The following CPA6 variants were observed in gnomAD, a reference collection of about 807,000 sequenced individuals.
CPA6 encodes the protein carboxypeptidase A6, also known as carboxypeptidase B.
A neutral mutation model predicts 63.3 loss-of-function variants in CPA6; 58 were observed. That is an observed-to-expected ratio of 0.92 (90% CI 0.74 to 1.14). CPA6 has a LOEUF of 1.14. Among genes scored for constraint, CPA6 ranks in the 50% most tolerant of loss-of-function variants. The pLI, the probability that CPA6 is intolerant of heterozygous loss-of-function variation, is 0.00. For synonymous variants in CPA6, 185 were observed against 179.0 expected (o/e 1.03, Z -0.27); for missense variants, 565 against 526.6 (o/e 1.07, Z -0.71).
chr8:67,613,774 C>T (rs116512939), intron 2 of CPA6, among the ~76,000 whole-genome samples: 2,649 of 152,256 alleles, frequency 0.017, 80 homozygotes, highest in African/African-American at 0.058. Context: ...TGTTTTTGTG[C>T]CCAAAAAGTT....
intron 8 of CPA6, among the ~76,000 whole-genome samples, chr8:67,459,624 A>G (rs1372136769): frequency 3.3e-5 from 5 of 152,228 alleles, no homozygotes. Context: ...GAGAGGGATG[A>G]GTAGGCAGAG....
At chr8:67,642,199 T>C (rs1422709806) in intron 1 of CPA6, among the ~76,000 whole-genome samples, 1 of 151,964 alleles carries the variant, frequency 6.6e-6, no homozygotes, top group Non-Finnish European at 1.5e-5. Context: ...GCGCCTGTAA[T>C]CCCAGCTATT....
chr8:67,682,797 A>T (rs1353560568), intron 1 of CPA6, among the ~76,000 whole-genome samples: 2 of 152,208 alleles, frequency 1.3e-5, no homozygotes, highest in Admixed American at 1.3e-4. Context: ...CCTGTGAATT[A>T]TGAGGATTTT....
chr8:67,692,205 G>C (rs922127437), intron 1 of CPA6, among the ~76,000 whole-genome samples: 1 of 151,890 alleles, frequency 6.6e-6, no homozygotes, highest in African/African-American at 2.4e-5. Flanking sequence ...GCATGGTGGC[G>C]CATGCCTCTA....
At chr8:67,692,328 CAAAAAA>C (rs55676882) in intron 1 of CPA6, among the ~76,000 whole-genome samples, 5 of 89,980 alleles carry the variant, frequency 5.6e-5, no homozygotes, top group Admixed American at 1.3e-4. Flanking sequence ...AATCCTGTCT[CAAAAAA>C]AAAAAAAAAA....
At chr8:67,610,065 C>A (rs1490650999) in intron 2 of CPA6, among the ~76,000 whole-genome samples, 1 of 142,828 alleles carries the variant, frequency 7.0e-6, no homozygotes, top group Non-Finnish European at 1.5e-5. Context: ...AAAACAAAAA[C>A]CCCCCAAAAA....
rs540534075 is a variant in CPA6, at chr8:67,587,273, C to T, written c.192+36903G>A. Among the ~76,000 whole-genome samples, 3 of 152,134 alleles carry T rather than the reference C, an allele frequency of 2.0e-5. No individual in the cohort carries two copies. The South Asian group carries it at 6.3e-4, about 32-fold the overall frequency. ...CTACCTTCTATTAGGCTGTGGTGAG[C>T]CCAAGTAATTGACACTCCTGATGTG... On this transcript the variant is annotated intron_variant, in intron 2 of 10. Transcript: ENST00000297770.
chr8:67,682,757 G>A (rs1435075593), intron 1 of CPA6, among the ~76,000 whole-genome samples: 1 of 152,178 alleles, frequency 6.6e-6, no homozygotes, highest in Non-Finnish European at 1.5e-5. Context: ...TCCATAGAAG[G>A]TAGATCCTTC....
intron 1 of CPA6, among the ~76,000 whole-genome samples, chr8:67,688,683 T>TA (rs1393844878): frequency 6.6e-6 from 1 of 152,224 alleles, no homozygotes; most frequent in Admixed American, 6.5e-5. Flanking sequence ...CATGACATTG[T>TA]ACACTTCTCT....
intron 1 of CPA6, among the ~76,000 whole-genome samples, chr8:67,630,142 T>TG (rs1815291623): frequency 8.9e-6 from 1 of 112,342 alleles, no homozygotes; most frequent in Admixed American, 9.0e-5. Flanking sequence ...AATAATAATT[T>TG]GTATTCATTC....
chr8:67,459,436 A>T (rs1177718725), intron 8 of CPA6, among the ~76,000 whole-genome samples: 1 of 152,242 alleles, frequency 6.6e-6, no homozygotes, highest in African/African-American at 2.4e-5. Flanking sequence ...TTCAGCACTA[A>T]AAAGGAATGA....
At chr8:67,471,919 G>A (rs1041325345) in intron 8 of CPA6, among the ~76,000 whole-genome samples, 1 of 151,892 alleles carries the variant, frequency 6.6e-6, no homozygotes, top group Non-Finnish European at 1.5e-5. Context: ...TGGTAACAAG[G>A]ACCCAAAAAA....
chr8:67,675,710 G>A (rs746734844), intron 1 of CPA6, among the ~76,000 whole-genome samples: 1 of 152,224 alleles, frequency 6.6e-6, no homozygotes, highest in Non-Finnish European at 1.5e-5. Flanking sequence ...GGACTGTGGA[G>A]GGGGCTTTTT....
rs143731958 is a variant in CPA6 at position 67,554,581 on chromosome 8, T to G, written c.193-36534A>C. 4.6e-3 allele frequency among the ~76,000 whole-genome samples: 693 copies of G among 152,272 alleles called. 4 individuals are homozygous for G. Among genetic ancestry groups the G allele is most frequent in the African/African-American group, 0.016 (647 of 41,544 alleles). ...GGGAGGCTGAGAAGTCCCACGATAG[T>G]CTGTCTGCAAGCTGGAGAACCAGGA... is the stretch of plus-strand genomic sequence containing the variant. On this transcript the variant is annotated intron_variant, in intron 2 of 10. Transcript: ENST00000297770.
chr8:67,687,745 T>A (rs911483465), intron 1 of CPA6, among the ~76,000 whole-genome samples: 2 of 152,160 alleles, frequency 1.3e-5, no homozygotes, highest in Non-Finnish European at 2.9e-5. Context: ...TCAGTTCACT[T>A]CTCTAAGCCT....
At chr8:67,687,758 G>A (rs561030200) in intron 1 of CPA6, among the ~76,000 whole-genome samples, 1 of 152,016 alleles carries the variant, frequency 6.6e-6, no homozygotes, top group Non-Finnish European at 1.5e-5. Context: ...CTAAGCCTCA[G>A]TTTCCTTGTC....
chr8:67,685,715 T>C (rs927110721), intron 1 of CPA6, among the ~76,000 whole-genome samples: 1 of 152,360 alleles, frequency 6.6e-6, no homozygotes, highest in Middle Eastern at 3.4e-3. Context: ...GTTGTCATTC[T>C]CATAATCAAC....
In CPA6 at chr8:67,581,497, T is replaced by A. The variant is rs1430099372; in HGVS notation, c.192+42679A>T. Among the ~76,000 whole-genome samples, 3 of 152,208 alleles carry A rather than the reference T, an allele frequency of 2.0e-5. No individual in the cohort carries two copies. The East Asian group carries it at 5.8e-4, about 29-fold the overall frequency. On this transcript the variant is annotated intron_variant, in intron 2 of 10. Coordinates refer to ENST00000297770, the MANE Select transcript of CPA6 (RefSeq NM_020361.5). ...TTTGGGTGTTAACGGTGAAGCAGGA[T>A]ATTTTTTCCCTGAGTTGTCCTGGGG...
intron 1 of CPA6, among the ~76,000 whole-genome samples, chr8:67,653,138 C>T (rs1292912271): frequency 2.6e-5 from 4 of 151,500 alleles, no homozygotes; most frequent in Non-Finnish European, 5.9e-5. Context: ...GTTTTGGTTA[C>T]TGTAGCCTTG....
Sources: allele counts gnomAD v4.1 joint callset (sites outside exome capture counted in the v4.1 genomes callset), GRCh38; gene constraint gnomAD v4.1.1; transcripts MANE v1.5; gene names NCBI Gene and HGNC (gene_info 2026-07-23, HGNC 2026-07-21).